Variants in DSE observed in about 807,000 individuals in gnomAD.
DSE encodes the protein dermatan-sulfate epimerase.
DSE carries 36 observed loss-of-function variants against 84.4 expected under a neutral mutation model. That is an observed-to-expected ratio of 0.43 (90% CI 0.33 to 0.56). The LOEUF is 0.56. Ranked by LOEUF, DSE falls within the 20% of genes least tolerant of loss-of-function variation. The probability of loss-of-function intolerance (pLI) is 0.06; values close to 1 mark genes in which losing one functional copy is unlikely to be tolerated. For missense variants in DSE, 862 were observed against 1,169.6 expected, an observed-to-expected ratio of 0.74 and a Z score of 3.84; for synonymous variants, 410 against 430.1, an observed-to-expected ratio of 0.95 and a Z score of 0.58.
intron 2 of DSE, among the ~76,000 whole-genome samples, chr6:116,312,768 A>AAT (rs1775765641): frequency 6.6e-6 from 1 of 151,900 alleles, no homozygotes. Flanking sequence ...AGTTGCGTAA[A>AAT]ATATATATAT....
At chr6:116,296,407 G>C (rs1774667919) in intron 2 of DSE, among the ~76,000 whole-genome samples, 1 of 152,284 alleles carries the variant, frequency 6.6e-6, no homozygotes, top group African/African-American at 2.4e-5. Flanking sequence ...AACAAGACAT[G>C]CTAAATCCCT....
intron 2 of DSE, among the ~76,000 whole-genome samples, chr6:116,301,237 A>T (rs931045622): frequency 6.6e-6 from 1 of 152,138 alleles, no homozygotes; most frequent in Non-Finnish European, 1.5e-5. Flanking sequence ...GCAAGTGTAC[A>T]ACCTCCCTCG....
chr6:116,333,982 C>T (rs1777098088), intron 2 of DSE, among the ~76,000 whole-genome samples: 1 of 152,110 alleles, frequency 6.6e-6, no homozygotes. Context: ...AAAAACAACC[C>T]TCCAAAATAT....
At position 116,297,877 on chromosome 6, in the gene DSE, A is replaced by G. The variant is rs989297863; in HGVS notation, c.-54+38910A>G. Among the ~76,000 whole-genome samples the G allele has an allele frequency of 3.6e-4, 55 of 152,252 alleles. 1 individual carries two copies. Among genetic ancestry groups the G allele is most frequent in the Admixed American group, 3.4e-3 (52 of 15,280 alleles). ...GCTCTTAATAAAATCTTGTTAAACT[A>G]TTGTTACCAGGATTTGGGTTAAAGG... On this transcript the variant is annotated intron_variant, in intron 2 of 3. Coordinates refer to the DSE transcript ENST00000430252.
upstream of DSE, chr6:116,370,864 C>T (rs900136465): frequency 2.0e-6 from 2 of 985,716 alleles, no homozygotes; most frequent in Non-Finnish European, 2.4e-6. Context: ...TTCCTCCCCC[C>T]TCCAGCGGAG....
chr6:116,351,965 C>G (rs529329863), intron 2 of DSE, among the ~76,000 whole-genome samples: 1 of 152,214 alleles, frequency 6.6e-6, no homozygotes, highest in Non-Finnish European at 1.5e-5. Flanking sequence ...TTCTTCTATC[C>G]CACAGTGGTA....
intron 2 of DSE, among the ~76,000 whole-genome samples, chr6:116,319,019 A>T (rs1776149096): frequency 6.6e-6 from 1 of 152,232 alleles, no homozygotes; most frequent in African/African-American, 2.4e-5. Context: ...TCTCTTCTAG[A>T]AATTGAGGGG....
At chr6:116,373,480 C>T (rs1055624311) in intron 1 of DSE, among the ~76,000 whole-genome samples, 2 of 152,164 alleles carry the variant, frequency 1.3e-5, no homozygotes, top group African/African-American at 4.8e-5. Context: ...ATCTTGGGGA[C>T]CTGTTGAAAA....
At chr6:116,355,330 ATTC>A (rs1778516337) in intron 2 of DSE, among the ~76,000 whole-genome samples, 1 of 152,208 alleles carries the variant, frequency 6.6e-6, no homozygotes, top group Non-Finnish European at 1.5e-5. Context: ...AAACCTTCAC[ATTC>A]TTCTAATTTG....
chr6:116,380,460 G>A (rs1780157526), intron 1 of DSE, among the ~76,000 whole-genome samples: 1 of 151,964 alleles, frequency 6.6e-6, no homozygotes, highest in Non-Finnish European at 1.5e-5. Flanking sequence ...AATGAATTGG[G>A]TCTCAGAGGA....
At position 116,266,546 on chromosome 6, in the gene DSE, A is replaced by C. The variant is rs542578872; in HGVS notation, c.-54+7579A>C. 9.5e-4 allele frequency among the ~76,000 whole-genome samples: 144 copies of C among 152,306 alleles called. 3 individuals are homozygous for C. The South Asian group carries it at 0.029, about 31-fold the overall frequency. On this transcript the variant is annotated intron_variant, in intron 2 of 3. Transcript: ENST00000430252. ...AGAATTTTGAATAGTAATTAAGATT[A>C]CTATTATAAATGGGAAAATAATTAG...
chr6:116,309,957 A>T (rs370470300), intron 2 of DSE, among the ~76,000 whole-genome samples: 32 of 152,214 alleles, frequency 2.1e-4, no homozygotes, highest in African/African-American at 7.7e-4. Flanking sequence ...GAAAGAAAAA[A>T]AAAAGAAGCA....
intron 3 of DSE, among the ~76,000 whole-genome samples, chr6:116,429,629 C>T (rs562470100): frequency 6.6e-6 from 1 of 152,236 alleles, no homozygotes; most frequent in South Asian, 2.1e-4. Flanking sequence ...CTGTTCAGTG[C>T]TGTGTAAGTT....
chr6:116,370,106 G>T, upstream of DSE: 1 of 447,464 alleles, frequency 2.2e-6, no homozygotes, highest in Non-Finnish European at 3.8e-6. Context: ...GCTGATTTTT[G>T]GAAAACAGGA....
At chr6:116,427,555 C>G (rs973486527) in intron 3 of DSE, among the ~76,000 whole-genome samples, 1 of 152,168 alleles carries the variant, frequency 6.6e-6, no homozygotes, top group African/African-American at 2.4e-5. Context: ...GTTGATTATC[C>G]AGCATCGGAT....
At chr6:116,339,890 G>C (rs1367832798) in intron 2 of DSE, among the ~76,000 whole-genome samples, 1 of 152,188 alleles carries the variant, frequency 6.6e-6, no homozygotes, top group East Asian at 1.9e-4. Flanking sequence ...TAGAAATATA[G>C]AAACCCTATT....
At chr6:116,333,688 C>G (rs1296283785) in intron 2 of DSE, among the ~76,000 whole-genome samples, 1 of 152,212 alleles carries the variant, frequency 6.6e-6, no homozygotes, top group African/African-American at 2.4e-5. Flanking sequence ...GAGCCACCAT[C>G]TAAACAAGCT....
At chr6:116,412,814 A>T (rs1782467997) in intron 2 of DSE, 1 of 151,786 alleles carries the variant, frequency 6.6e-6, no homozygotes, top group African/African-American at 2.4e-5. Context: ...AGTAAGCATA[A>T]TACTCAATAG....
chr6:116,333,548 A>G (rs1404223693), intron 2 of DSE, among the ~76,000 whole-genome samples: 2 of 152,198 alleles, frequency 1.3e-5, no homozygotes, highest in Non-Finnish European at 2.9e-5. Context: ...TGAGTTTTAG[A>G]GGGGATTTTC....
Sources: allele counts gnomAD v4.1 joint callset (sites outside exome capture counted in the v4.1 genomes callset), GRCh38; gene constraint gnomAD v4.1.1; transcripts MANE v1.5; gene names NCBI Gene and HGNC (gene_info 2026-07-23, HGNC 2026-07-21).